Variants in USP49 observed in about 807,000 individuals in gnomAD.
The protein encoded by USP49 is ubiquitin carboxyl-terminal hydrolase 49.
Under a neutral mutation model 58.6 loss-of-function variants are expected in USP49, and 24 were observed. The observed-to-expected ratio is 0.41, with a 90% CI of 0.30 to 0.58. USP49 has a LOEUF of 0.58. Among genes scored for constraint, USP49 ranks in the 20% least tolerant of loss-of-function variants. The pLI, the probability that USP49 is intolerant of heterozygous loss-of-function variation, is 0.30. For missense variants in USP49, 703 were observed against 866.1 expected (o/e 0.81, Z 2.36); for synonymous variants, 408 against 365.1 (o/e 1.12, Z -1.34).
At position 41,793,433 on chromosome 6, in the gene USP49, G is replaced by C. The variant is rs755309245; in HGVS notation, c.*3100C>G. On this transcript the variant is annotated 3_prime_UTR_variant, in exon 8 of 8. Coordinates refer to ENST00000682992, the MANE Select transcript of USP49 (RefSeq NM_001286554.2). ...GTGCCACCATGCCCAGCTAATTTTTGTATTTTTAGTAGAGACGGAGTTTCA... is the reference window on the plus strand; with the variant it reads ...GTGCCACCATGCCCAGCTAATTTTTCTATTTTTAGTAGAGACGGAGTTTCA... 2 of 152,390 alleles carry C rather than the reference G, an allele frequency of 1.3e-5. No homozygotes were observed. Among genetic ancestry groups the C allele is most frequent in the Non-Finnish European group, 2.9e-5 (2 of 68,322 alleles). The allele number at this position is 152,390 out of a possible 1,614,324, so 9.4% of individuals were successfully genotyped here.
intron 3 of USP49, among the ~76,000 whole-genome samples, chr6:41,854,766 C>T (rs1219911246): frequency 6.6e-6 from 1 of 152,040 alleles, no homozygotes; most frequent in East Asian, 1.9e-4. Context: ...AGAACAACGC[C>T]TTGGAGAGCC....
intron 3 of USP49, among the ~76,000 whole-genome samples, chr6:41,820,776 G>T (rs771438421): frequency 1.3e-5 from 2 of 152,168 alleles, no homozygotes; most frequent in Non-Finnish European, 2.9e-5. Flanking sequence ...AAGGCGGGCA[G>T]ATCACTTCAG....
chr6:41,832,552 G>C (rs1274034068), intron 3 of USP49, among the ~76,000 whole-genome samples: 1 of 152,124 alleles, frequency 6.6e-6, no homozygotes, highest in Non-Finnish European at 1.5e-5. Flanking sequence ...CATTTTTAAT[G>C]GCTCCCAAAA....
intron 5 of USP49, among the ~76,000 whole-genome samples, chr6:41,801,048 G>A (rs1271230577): frequency 6.6e-6 from 1 of 152,170 alleles, no homozygotes; most frequent in Non-Finnish European, 1.5e-5. Context: ...CTCCCACCTT[G>A]GCCTCCCAAA....
rs1055744513 is a variant in USP49, at chr6:41,796,502, C to G, written c.*31G>C. 2.8e-6 allele frequency: 2 copies of G among 714,312 alleles called. No individual in the cohort carries two copies. The highest frequency in any genetic ancestry group is 5.2e-6 in the Non-Finnish European group (2 of 383,766). 44.2% of individuals were successfully genotyped at this position (714,312 alleles called of 1,614,324 possible). On this transcript the variant is annotated 3_prime_UTR_variant, in exon 8 of 8. Coordinates refer to ENST00000682992, the MANE Select transcript of USP49 (RefSeq NM_001286554.2). ...GGAAAGATGTATGGACACCAATACACAAAAGCCAGTCTTTGATACATGCCT... is the reference window on the plus strand; with the variant it reads ...GGAAAGATGTATGGACACCAATACAGAAAAGCCAGTCTTTGATACATGCCT...
At chr6:41,865,094 G>T (rs1774286857) in intron 3 of USP49, among the ~76,000 whole-genome samples, 1 of 151,864 alleles carries the variant, frequency 6.6e-6, no homozygotes, top group Non-Finnish European at 1.5e-5. Flanking sequence ...GCCCAGGCTG[G>T]AGTGCAATGG....
intron 3 of USP49, among the ~76,000 whole-genome samples, chr6:41,838,796 T>C (rs1773770237): frequency 6.6e-6 from 1 of 152,150 alleles, no homozygotes; most frequent in Non-Finnish European, 1.5e-5. Context: ...TATCAGCACA[T>C]GGAACATTCT....
intron 3 of USP49, among the ~76,000 whole-genome samples, chr6:41,848,146 G>A (rs1773955023): frequency 6.6e-6 from 1 of 152,064 alleles, no homozygotes; most frequent in Non-Finnish European, 1.5e-5. Flanking sequence ...AAAACAGAAT[G>A]CTGTAACTTT....
chr6:41,847,478 G>C (rs759327467), intron 3 of USP49, among the ~76,000 whole-genome samples: 1 of 152,108 alleles, frequency 6.6e-6, no homozygotes, highest in Admixed American at 6.6e-5. Flanking sequence ...CACTTTAGGA[G>C]GCCGAGGCAG....
intron 7 of USP49, chr6:41,797,996 T>C (rs952876435): frequency 5.2e-6 from 1 of 193,718 alleles, no homozygotes; most frequent in African/African-American, 2.4e-5. Flanking sequence ...GCCTCCCAAG[T>C]AGCTAGGATC....
intron 3 of USP49, among the ~76,000 whole-genome samples, chr6:41,840,373 C>CA (rs55886124): frequency 0.06 from 4,935 of 82,184 alleles, 148 homozygotes; most frequent in South Asian, 0.11. Context: ...AACTCCGTCT[C>CA]AAAAAAAAAA....
chr6:41,867,587 C>CA (rs766568260), intron 3 of USP49, among the ~76,000 whole-genome samples: 1,687 of 71,172 alleles, frequency 0.024, 29 homozygotes, highest in African/African-American at 0.083. Flanking sequence ...ACTAAAAATA[C>CA]AAAAAAAAAA....
intron 2 of USP49, among the ~76,000 whole-genome samples, chr6:41,890,857 T>C (rs1453892744): frequency 6.6e-6 from 1 of 152,180 alleles, no homozygotes; most frequent in Non-Finnish European, 1.5e-5. Context: ...CTTTCAACTA[T>C]AAATGTGTCA....
At chr6:41,862,189 A>G (rs1265080577) in intron 3 of USP49, among the ~76,000 whole-genome samples, 4 of 152,220 alleles carry the variant, frequency 2.6e-5, no homozygotes, top group Non-Finnish European at 5.9e-5. Context: ...AATTTACAGA[A>G]AATGAATTGC....
chr6:41,853,203 G>C (rs1025679805), intron 3 of USP49, among the ~76,000 whole-genome samples: 12 of 152,210 alleles, frequency 7.9e-5, no homozygotes, highest in Admixed American at 7.8e-4. Context: ...AAAGAGCTGG[G>C]GGGGAGAATT....
intron 3 of USP49, among the ~76,000 whole-genome samples, chr6:41,844,362 G>A (rs998908154): frequency 7.3e-5 from 11 of 150,926 alleles, no homozygotes; most frequent in Non-Finnish European, 1.2e-4. Context: ...ACTGTCGCCC[G>A]GGCTGGAGTG....
chr6:41,890,024 A>T (rs1774783797), intron 2 of USP49, among the ~76,000 whole-genome samples: 1 of 152,234 alleles, frequency 6.6e-6, no homozygotes, highest in Non-Finnish European at 1.5e-5. Context: ...GCTGTTTCAA[A>T]TTTCAAACAA....
chr6:41,836,778 T>G (rs1041763611), intron 3 of USP49, among the ~76,000 whole-genome samples: 1 of 152,012 alleles, frequency 6.6e-6, no homozygotes, highest in Non-Finnish European at 1.5e-5. Flanking sequence ...CAAATATCAG[T>G]AGCATTTCTA....
At chr6:41,836,629 C>T (rs185178499) in intron 3 of USP49, among the ~76,000 whole-genome samples, 52 of 152,062 alleles carry the variant, frequency 3.4e-4, no homozygotes, top group Non-Finnish European at 6.2e-4. Flanking sequence ...GACAAGGTAG[C>T]ATAAGAAAAA....
Sources: gnomAD v4.1 joint callset for allele counts (sites outside exome capture counted in the v4.1 genomes callset) on GRCh38, gnomAD v4.1.1 for gene constraint, MANE v1.5 for transcripts, NCBI Gene and HGNC (gene_info 2026-07-23, HGNC 2026-07-21) for gene names.